MEGF10: variants seen among roughly 807,000 people sequenced by gnomAD.
MEGF10 encodes the protein multiple epidermal growth factor-like domains protein 10.
MEGF10 carries 86 observed loss-of-function variants against 147.5 expected under a neutral mutation model. The observed-to-expected ratio is 0.58, with a 90% confidence interval of 0.49 to 0.70. The LOEUF (loss-of-function observed/expected upper bound fraction) is 0.70. Ranked by LOEUF, MEGF10 falls within the 30% of genes least tolerant of loss-of-function variation. MEGF10 has a pLI of 0.00. For missense variants in MEGF10, 1,329 were observed against 1,487.3 expected (o/e 0.89, Z 1.75); for synonymous variants, 478 against 525.5 (o/e 0.91, Z 1.24).
At chr5:127,261,262 T>A in the MEGF10 span, among the ~76,000 whole-genome samples, 1 of 152,156 alleles carries the variant, frequency 6.6e-6, no homozygotes, top group Non-Finnish European at 1.5e-5. Context: ...AATCCCCTTA[T>A]ACCCCACTGT....
At chr5:127,247,009 G>C in the MEGF10 span, among the ~76,000 whole-genome samples, 81 of 13,226 alleles carry the variant, frequency 6.1e-3, 1 homozygote, top group African/African-American at 0.017. Flanking sequence ...TATATATATA[G>C]ACACACCATA....
In MEGF10 at chr5:127,435,435, A is replaced by G; in HGVS notation, c.2050A>G (p.Ile684Val). Residue 684 changes from isoleucine (I) to valine (V), a missense_variant, in exon 16 of 25, where the codon ATT becomes GTT. By Grantham distance (29) the Ile-to-Val change is conservative. This residue lies in a region of MEGF10 where 980 missense variants were observed against 1,085.9 expected (regional missense o/e 0.90). Transcript: ENST00000503335. ...TCTNNGTCNP[I>V]DRSCQCYPGW... ...CACCAACAACGGAACCTGTAACCCCATTGACAGATCTTGTCAGTGTTACCC... is the reference window on the plus strand; with the variant it reads ...CACCAACAACGGAACCTGTAACCCCGTTGACAGATCTTGTCAGTGTTACCC... 1 of 1,614,142 alleles carries G rather than the reference A, an allele frequency of 6.2e-7. No homozygotes were observed. The highest frequency in any genetic ancestry group is 1.1e-5 in the South Asian group (1 of 91,072).
rs1427183670 is a variant in MEGF10 at position 127,461,103 on chromosome 5, T to C, written c.*3785T>C. The C allele has an allele frequency of 6.6e-6, 1 of 152,218 alleles. No individual in the cohort carries two copies. The highest frequency in any genetic ancestry group is 2.4e-5 in the African/African-American group (1 of 41,466). 9.4% of individuals were successfully genotyped at this position (152,218 alleles called of 1,614,324 possible). ...TGTGGCAAACAAACAAAAAATGCTT[T>C]CAGTGTTGAAATATCTCTATTTTCC... On this transcript the variant is annotated 3_prime_UTR_variant, in exon 25 of 25. Coordinates refer to ENST00000503335, the MANE Select transcript of MEGF10 (RefSeq NM_001256545.2).
the MEGF10 span, among the ~76,000 whole-genome samples, chr5:127,269,695 T>C: frequency 3.3e-5 from 5 of 152,212 alleles, no homozygotes; most frequent in South Asian, 1.0e-3. Flanking sequence ...AATTCCCCGA[T>C]CTAGCAAGGC....
chr5:127,362,053 A>T (rs1439171414), intron 4 of MEGF10, among the ~76,000 whole-genome samples: 1 of 151,598 alleles, frequency 6.6e-6, no homozygotes, highest in Non-Finnish European at 1.5e-5. Flanking sequence ...TTTAGTTTCA[A>T]ATCTACTATA....
chr5:127,273,915 G>T, the MEGF10 span, among the ~76,000 whole-genome samples: 4 of 152,156 alleles, frequency 2.6e-5, no homozygotes, highest in East Asian at 3.8e-4. Flanking sequence ...TAAATTAAAT[G>T]AAATTAAAAC....
At chr5:127,451,988 C>T (rs1169303343) in intron 22 of MEGF10, among the ~76,000 whole-genome samples, 6 of 152,148 alleles carry the variant, frequency 3.9e-5, no homozygotes, top group Non-Finnish European at 8.8e-5. Context: ...CCTCACTTAC[C>T]CTTGATTCGT....
chr5:127,450,240 G>A (rs1766103566), intron 22 of MEGF10, among the ~76,000 whole-genome samples: 1 of 152,206 alleles, frequency 6.6e-6, no homozygotes, highest in Non-Finnish European at 1.5e-5. Context: ...TTGCAGCTGG[G>A]CACAATGGCA....
intron 9 of MEGF10, among the ~76,000 whole-genome samples, chr5:127,417,095 A>G (rs1363280587): frequency 2.6e-5 from 4 of 152,198 alleles, no homozygotes; most frequent in Non-Finnish European, 2.9e-5. Context: ...CAACTCACTT[A>G]CGCGTGCATC....
chr5:127,384,924 C>G lies in MEGF10; in HGVS notation c.413-11608C>G, dbSNP rs182576769. Among the ~76,000 whole-genome samples, 121 of 152,236 alleles carry G rather than the reference C, an allele frequency of 7.9e-4. 2 individuals carry two copies. The East Asian group carries it at 0.022, about 28-fold the overall frequency. ...ACCATTAACAAAGGGAATGACACACCACAGCCTTGTTAGCCTGAAGCGCAA... is the reference window on the plus strand; with the variant it reads ...ACCATTAACAAAGGGAATGACACACGACAGCCTTGTTAGCCTGAAGCGCAA... On this transcript the variant is annotated intron_variant, in intron 5 of 24. Transcript: ENST00000503335.
chr5:127,265,217 T>C, the MEGF10 span, among the ~76,000 whole-genome samples: 1 of 152,184 alleles, frequency 6.6e-6, no homozygotes, highest in Non-Finnish European at 1.5e-5. Context: ...GGTTTCCAGC[T>C]TCATCCATGT....
intron 9 of MEGF10, among the ~76,000 whole-genome samples, chr5:127,416,392 G>T (rs1347476112): frequency 1.3e-5 from 2 of 152,114 alleles, no homozygotes; most frequent in Non-Finnish European, 2.9e-5. Context: ...ACTGCTCAAG[G>T]ATAAGAAATT....
the MEGF10 span, among the ~76,000 whole-genome samples, chr5:127,268,554 G>A: frequency 6.6e-6 from 1 of 152,306 alleles, no homozygotes; most frequent in East Asian, 1.9e-4. Flanking sequence ...GGCGCCCACC[G>A]TTGGTGAGGC....
rs1761580346 is a variant in MEGF10, at chr5:127,339,151, C to T, written c.148C>T (p.His50Tyr). The change falls in exon 3 of 25, where the codon CAT (histidine) becomes TAT (tyrosine). Residue 50 changes from histidine (H) to tyrosine (Y), a missense_variant. His to Tyr is a moderately conservative substitution (Grantham distance 83, BLOSUM62 2). Around this residue, in one of 3 missense-constraint regions of MEGF10, gnomAD observed 980 missense variants for 1,085.9 expected, o/e 0.90. Coordinates refer to ENST00000503335, the MANE Select transcript of MEGF10 (RefSeq NM_001256545.2). Reference protein sequence around the residue: ...YSVTVQESYPHPFDQIYYTSC... With the variant: ...YSVTVQESYPYPFDQIYYTSC... ...AGTGACTGTGCAAGAGTCATACCCA[C>T]ATCCCTTTGATCAAATTTACTACAC... 1 of 1,612,276 alleles carries T rather than the reference C, an allele frequency of 6.2e-7. No homozygotes were observed. Among genetic ancestry groups the T allele is most frequent in the East Asian group, 2.2e-5 (1 of 44,850 alleles).
At chr5:127,368,109 G>T (rs1762721802) in intron 4 of MEGF10, among the ~76,000 whole-genome samples, 1 of 152,176 alleles carries the variant, frequency 6.6e-6, no homozygotes, top group Non-Finnish European at 1.5e-5. Context: ...ATACCTACAG[G>T]TGGAAGCAGA....
At chr5:127,348,487 G>A (rs79699136) in intron 4 of MEGF10, among the ~76,000 whole-genome samples, 4,411 of 151,986 alleles carry the variant, frequency 0.029, 113 homozygotes, top group Middle Eastern at 0.099. Flanking sequence ...AATAAGCCAG[G>A]TCACCCAAAT....
At position 127,402,536 on chromosome 5, in the gene MEGF10, T is replaced by A. The variant is rs1208855822; in HGVS notation, c.781-10T>A. ...GGCCCATCTAATTTTCCAAGTCTCT[T>A]TGAATGCAGGGCACAGTGTGTGGTC... is the stretch of plus-strand genomic sequence containing the variant. On this transcript the variant is annotated splice_polypyrimidine_tract_variant and intron_variant, in intron 7 of 24. Coordinates refer to ENST00000503335, the MANE Select transcript of MEGF10 (RefSeq NM_001256545.2). 6.2e-7 allele frequency: 1 copy of A among 1,610,194 alleles called. No homozygotes were observed.
rs1362954297 is a variant in MEGF10, at chr5:127,458,873, GA to G, written c.*1556del. The G allele has an allele frequency of 6.6e-6, 1 of 152,062 alleles. No individual in the cohort carries two copies. The highest frequency in any genetic ancestry group is 1.5e-5 in the Non-Finnish European group (1 of 68,024). The allele number at this position is 152,062 out of a possible 1,614,324, so 9.4% of individuals were successfully genotyped here. On this transcript the variant is annotated 3_prime_UTR_variant, in exon 25 of 25. Transcript: ENST00000503335. ...ACTGGGACACTCTTGAGAGTAAATG[GA>G]GGGCATTATTAATAATTATCTTGTA...
At chr5:127,293,494 C>A (rs1247069757) in intron 1 of MEGF10, among the ~76,000 whole-genome samples, 1 of 152,204 alleles carries the variant, frequency 6.6e-6, no homozygotes, top group African/African-American at 2.4e-5. Flanking sequence ...CTAATCCCTT[C>A]TGCCTTGATT....
Sources: gnomAD v4.1 joint callset for allele counts (sites outside exome capture counted in the v4.1 genomes callset) on GRCh38, gnomAD v4.1.1 for gene constraint, gnomAD v4.1.1 regional missense constraint, MANE v1.5 for transcripts, NCBI Gene and HGNC (gene_info 2026-07-23, HGNC 2026-07-21) for gene names.